EEFSEC: variants seen among roughly 807,000 people sequenced by gnomAD.
The protein encoded by EEFSEC is selenocysteine-specific elongation factor.
A neutral mutation model predicts 42.1 loss-of-function variants in EEFSEC; 43 were observed. The ratio of observed to expected loss-of-function variants is 1.02; its 90% CI spans 0.80 to 1.32. The LOEUF (loss-of-function observed/expected upper bound fraction) is 1.32. EEFSEC is among the 40% of genes most tolerant of loss of function. The pLI, the probability that EEFSEC is intolerant of heterozygous loss-of-function variation, is 0.00. For missense variants in EEFSEC, 745 were observed against 803.6 expected (o/e 0.93, Z 0.88); for synonymous variants, 354 against 339.1 (o/e 1.04, Z -0.48).
At chr3:128,244,398 G>A (rs377251594) in intron 1 of EEFSEC, among the ~76,000 whole-genome samples, 2 of 152,122 alleles carry the variant, frequency 1.3e-5, no homozygotes, top group East Asian at 3.9e-4. Flanking sequence ...ACAGCATGGT[G>A]CTTGGCACAA....
At chr3:128,377,226 G>A (rs1428948624) in intron 6 of EEFSEC, among the ~76,000 whole-genome samples, 2 of 151,956 alleles carry the variant, frequency 1.3e-5, no homozygotes, top group East Asian at 3.9e-4. Context: ...TTTTGTGTCT[G>A]ATTCTTTTCA....
intron 1 of EEFSEC, among the ~76,000 whole-genome samples, chr3:128,240,558 C>G (rs1559882588): frequency 1.3e-5 from 2 of 152,222 alleles, no homozygotes; most frequent in African/African-American, 4.8e-5. Context: ...ACAGGCTGGA[C>G]ACTGCTGGTT....
chr3:128,291,835 G>A (rs2066647449), intron 4 of EEFSEC, among the ~76,000 whole-genome samples: 1 of 152,188 alleles, frequency 6.6e-6, no homozygotes, highest in Non-Finnish European at 1.5e-5. Flanking sequence ...CATAAGTGGT[G>A]AGAACAGATA....
At chr3:128,242,095 T>A (rs1019284148) in intron 1 of EEFSEC, among the ~76,000 whole-genome samples, 2 of 152,150 alleles carry the variant, frequency 1.3e-5, no homozygotes, top group African/African-American at 4.8e-5. Flanking sequence ...GGTGGGAGGA[T>A]CTATTGAGGC....
intron 1 of EEFSEC, among the ~76,000 whole-genome samples, chr3:128,197,410 A>G (rs1045758628): frequency 2.0e-5 from 3 of 152,180 alleles, no homozygotes; most frequent in Non-Finnish European, 4.4e-5. Context: ...AGCTGGGATT[A>G]CAGGCACATG....
chr3:128,198,571 T>G (rs1044190665), intron 1 of EEFSEC, among the ~76,000 whole-genome samples: 2 of 152,186 alleles, frequency 1.3e-5, no homozygotes, highest in Non-Finnish European at 2.9e-5. Context: ...TAAAAACCAG[T>G]GACAGGGCCA....
At chr3:128,424,964 G>A in the EEFSEC span, among the ~76,000 whole-genome samples, 1 of 152,040 alleles carries the variant, frequency 6.6e-6, no homozygotes, top group Non-Finnish European at 1.5e-5. Flanking sequence ...GGTGGTCAGG[G>A]CCTCTCACCA....
chr3:128,331,698 C>T (rs1430107041), intron 4 of EEFSEC, among the ~76,000 whole-genome samples: 1 of 152,062 alleles, frequency 6.6e-6, no homozygotes, highest in Non-Finnish European at 1.5e-5. Context: ...GAGACCCCTT[C>T]TAGGAGAGAC....
intron 6 of EEFSEC, among the ~76,000 whole-genome samples, chr3:128,364,923 G>A (rs1236181504): frequency 6.6e-6 from 1 of 152,262 alleles, no homozygotes; most frequent in Non-Finnish European, 1.5e-5. Flanking sequence ...AGAGTTCTCT[G>A]TCTGCCCCAG....
At chr3:128,343,678 A>G (rs2067280894) in intron 5 of EEFSEC, among the ~76,000 whole-genome samples, 1 of 152,204 alleles carries the variant, frequency 6.6e-6, no homozygotes, top group Non-Finnish European at 1.5e-5. Context: ...GCCTGTCAAC[A>G]GCGGTGCAGC....
chr3:128,411,233 C>T (rs975008914), downstream of EEFSEC, among the ~76,000 whole-genome samples: 1 of 152,222 alleles, frequency 6.6e-6, no homozygotes, highest in Non-Finnish European at 1.5e-5. Context: ...TCCCCCGTCC[C>T]CCAGGATGCC....
intron 5 of EEFSEC, among the ~76,000 whole-genome samples, chr3:128,357,948 G>A (rs928151798): frequency 8.5e-5 from 13 of 152,126 alleles, no homozygotes; most frequent in African/African-American, 3.1e-4. Context: ...TGGGGACTGA[G>A]GTGCTATCTG....
chr3:128,155,651 C>T (rs2107752584), intron 1 of EEFSEC, among the ~76,000 whole-genome samples: 1 of 152,200 alleles, frequency 6.6e-6, no homozygotes, highest in East Asian at 1.9e-4. Context: ...CTGTATGCCA[C>T]ACATGGGAAT....
chr3:128,319,982 G>C (rs924724671), intron 4 of EEFSEC, among the ~76,000 whole-genome samples: 1 of 152,262 alleles, frequency 6.6e-6, no homozygotes, highest in African/African-American at 2.4e-5. Flanking sequence ...TTGGCTGGGT[G>C]TCTGGCTTCA....
chr3:128,260,378 G>C (rs1026433505), intron 2 of EEFSEC, among the ~76,000 whole-genome samples: 1 of 152,166 alleles, frequency 6.6e-6, no homozygotes, highest in Non-Finnish European at 1.5e-5. Flanking sequence ...ATTCTTGAAA[G>C]TGTAGATATT....
chr3:128,238,249 A>T (rs910661385), intron 1 of EEFSEC, among the ~76,000 whole-genome samples: 3 of 152,208 alleles, frequency 2.0e-5, no homozygotes. Flanking sequence ...TTGGGAATGC[A>T]TGCCTGTTCT....
intron 4 of EEFSEC, among the ~76,000 whole-genome samples, chr3:128,333,594 T>A (rs923397021): frequency 6.6e-6 from 1 of 152,196 alleles, no homozygotes; most frequent in East Asian, 1.9e-4. Flanking sequence ...TGGAATCAGG[T>A]GTGTAAAGAT....
rs543924116 is a variant in EEFSEC at position 128,317,775 on chromosome 3, C to T, written c.787-23458C>T. On this transcript the variant is annotated intron_variant, in intron 4 of 6. Transcript: ENST00000254730. This position sits in a 1 kb window ranked among gnomAD's most constrained non-coding sequence, Gnocchi z 4.1. ...GCTGACCAGTTGGGCCCTCTGCAGG[C>T]CTCAGGGCCTTTGCCCCCTTCAGCC... Among the ~76,000 whole-genome samples, 2 of 152,368 alleles carry T rather than the reference C, an allele frequency of 1.3e-5. No homozygotes were observed. The highest frequency in any genetic ancestry group is 6.5e-5 in the Admixed American group (1 of 15,310).
At chr3:128,411,262 G>A (rs529080891), downstream of EEFSEC, among the ~76,000 whole-genome samples, 7 of 152,324 alleles carry the variant, frequency 4.6e-5, no homozygotes, top group African/African-American at 9.6e-5. Context: ...CCCCAGGCCC[G>A]CGTGTTTTAT....
Sources: gnomAD v4.1 joint callset for allele counts (sites outside exome capture counted in the v4.1 genomes callset) on GRCh38, gnomAD v4.1.1 for gene constraint, Gnocchi (gnomAD v3.1) non-coding constraint, MANE v1.5 for transcripts, NCBI Gene and HGNC (gene_info 2026-07-23, HGNC 2026-07-21) for gene names.